Variants in TNFRSF1A observed in about 807,000 individuals in gnomAD.
TNFRSF1A encodes the protein tumor necrosis factor receptor superfamily member 1A.
Under a neutral mutation model 41.6 loss-of-function variants are expected in TNFRSF1A, and 9 were observed. The observed-to-expected ratio is 0.22, with a 90% CI of 0.13 to 0.38. The LOEUF (loss-of-function observed/expected upper bound fraction) is 0.38. Ranked by LOEUF, TNFRSF1A falls within the 10% of genes least tolerant of loss-of-function variation. The pLI is 1.00. For synonymous variants in TNFRSF1A, 254 were observed against 248.6 expected (o/e 1.02, Z -0.21); for missense variants, 463 against 591.5 (o/e 0.78, Z 2.25).
At chr12:6,330,536 C>T (rs867125238) in intron 7 of TNFRSF1A, 62 bp downstream of exon 7, 7 of 1,287,886 alleles carry the variant, frequency 5.4e-6, no homozygotes, top group Middle Eastern at 3.7e-4. Context: ...ATGTCCATCG[C>T]ACCCACCCAT....
At position 6,333,921 on chromosome 12, in the gene TNFRSF1A, A is replaced by C. The variant is rs1190040752; in HGVS notation, c.194-56T>G. ...GGTGAGAACACAAGGAAGGAGCCCC[A>C]TGCTAGGGACAACAGCCAGGGCCGA... On this transcript the variant is annotated intron_variant, in intron 2 of 9. Transcript: ENST00000162749. The surrounding 1 kb of genome is among the most constrained non-coding windows in gnomAD (Gnocchi z 6.3). 2 of 1,602,760 alleles carry C rather than the reference A, an allele frequency of 1.2e-6. No homozygotes were observed. Among genetic ancestry groups the C allele is most frequent in the East Asian group, 4.5e-5 (2 of 44,492 alleles).
chr12:6,334,023 C>T lies in TNFRSF1A; in HGVS notation c.193+68G>A, dbSNP rs1733726656. Reference sequence around the variant, plus strand: ...AGACAGCAAAGTTAGGGAAGAACAACTGGAAGAAGCAGAGAAAGAAGCAGC... The same window carrying T: ...AGACAGCAAAGTTAGGGAAGAACAATTGGAAGAAGCAGAGAAAGAAGCAGC... On this transcript the variant is annotated intron_variant, in intron 2 of 9. Transcript: ENST00000162749. This position sits in a 1 kb window ranked among gnomAD's most constrained non-coding sequence, Gnocchi z 5.1. 1 of 1,612,384 alleles carries T rather than the reference C, an allele frequency of 6.2e-7. No individual in the cohort carries two copies. Among genetic ancestry groups the T allele is most frequent in the Non-Finnish European group, 8.5e-7 (1 of 1,178,470 alleles).
At chr12:6,331,082 A>C in intron 5 of TNFRSF1A, 156 bp from the exon 6 acceptor site, 1 of 690,232 alleles carries the variant, frequency 1.4e-6, no homozygotes, top group Non-Finnish European at 2.6e-6. Context: ...AATGAAACAC[A>C]GTTAATCATA....
In TNFRSF1A at chr12:6,336,601, T is replaced by C. The variant is rs555348861; in HGVS notation, c.40-2357A>G. Among the ~76,000 whole-genome samples, 102 of 149,724 alleles carry C rather than the reference T, an allele frequency of 6.8e-4. 1 individual carries two copies. The highest frequency in any genetic ancestry group is 2.1e-4 in the Non-Finnish European group (14 of 67,512). ...TGGCCCACATGTTCCGGGAAATGCC[T>C]CCCTCTCCCCATTCCATCCCGAAGG... On this transcript the variant is annotated intron_variant, in intron 1 of 9. Coordinates refer to ENST00000162749, the MANE Select transcript of TNFRSF1A (RefSeq NM_001065.4).
intron 1 of TNFRSF1A, among the ~76,000 whole-genome samples, chr12:6,338,953 TCA>T (rs1948153162): frequency 6.6e-6 from 1 of 152,150 alleles, no homozygotes; most frequent in South Asian, 2.1e-4. Flanking sequence ...TCACTTCTAA[TCA>T]CAGTCTGGGC....
At position 6,334,057 on chromosome 12, in the gene TNFRSF1A, C is replaced by A. The variant is rs752820659; in HGVS notation, c.193+34G>T. 6.2e-7 allele frequency: 1 copy of A among 1,614,084 alleles called. No homozygotes were observed. The highest frequency in any genetic ancestry group is 1.1e-5 in the South Asian group (1 of 91,088). ...GCAGAGAAAGAAGCAGCACCCCAGA[C>A]CTGAGGGCATTCACCGTTTCCACTT... On this transcript the variant is annotated intron_variant, in intron 2 of 9. Transcript: ENST00000162749. The surrounding 1 kb of genome is among the most constrained non-coding windows in gnomAD (Gnocchi z 5.1).
At position 6,330,368 on chromosome 12, in the gene TNFRSF1A, A is replaced by T. The variant is rs1027824860; in HGVS notation, c.740-73T>A. 7 of 1,448,584 alleles carry T rather than the reference A, an allele frequency of 4.8e-6. No homozygotes were observed. In the Admixed American group the frequency reaches 1.2e-4, roughly 24 times the overall value. The allele number at this position is 1,448,584 out of a possible 1,614,324, so 89.7% of individuals were successfully genotyped here. ...CCCTGGCACCCTGGACTCAGCTGGCAGTGGGGACTTGTGGTGACATGCCTC... is the reference window on the plus strand; with the variant it reads ...CCCTGGCACCCTGGACTCAGCTGGCTGTGGGGACTTGTGGTGACATGCCTC... On this transcript the variant is annotated intron_variant, in intron 7 of 9. Coordinates refer to ENST00000162749, the MANE Select transcript of TNFRSF1A (RefSeq NM_001065.4).
chr12:6,331,490 T>C (rs1409946578), intron 5 of TNFRSF1A: 1 of 215,846 alleles, frequency 4.6e-6, no homozygotes, highest in Non-Finnish European at 9.5e-6. Context: ...TAAAAACACA[T>C]GTTACTGGGG....
chr12:6,329,579 G>C lies in TNFRSF1A; in HGVS notation c.1101C>G (p.Pro367=). 3 of 1,592,604 alleles carry C rather than the reference G, an allele frequency of 1.9e-6. No individual in the cohort carries two copies. The highest frequency in any genetic ancestry group is 2.6e-6 in the Non-Finnish European group (3 of 1,175,418). Reference sequence around the variant, plus strand: ...GCACGAATTCCTTCCAGCGCAACGGGGGCACGTTCTCCACCACGGCGTACA... The same window carrying C: ...GCACGAATTCCTTCCAGCGCAACGGCGGCACGTTCTCCACCACGGCGTACA... ...ATLYAVVENV[P]PLRWKEFVRR... is the part of the protein sequence containing the mutation. Residue 367 remains proline (P), a synonymous_variant, in exon 10 of 10, where the codon CCC becomes CCG. Coordinates refer to ENST00000162749, the MANE Select transcript of TNFRSF1A (RefSeq NM_001065.4).
In TNFRSF1A at chr12:6,338,433, G is replaced by A. The variant is rs4149627; in HGVS notation, c.39+3343C>T. Among the ~76,000 whole-genome samples the A allele has an allele frequency of 6.5e-3, 987 of 151,962 alleles. 4 individuals carry two copies. Among genetic ancestry groups the A allele is most frequent in the African/African-American group, 0.021 (886 of 41,422 alleles). On this transcript the variant is annotated intron_variant, in intron 1 of 9. Transcript: ENST00000162749. ...TCTAGCCTCTCTCCTGCTCCCATCC[G>A]TCCTACACACTTTTTAAATCTTCAT...
chr12:6,331,781 G>A (rs1467648957), intron 5 of TNFRSF1A: 1 of 166,978 alleles, frequency 6.0e-6, no homozygotes, highest in African/African-American at 2.4e-5. Flanking sequence ...GCAGAGGCAG[G>A]TGGATCACCA....
At position 6,329,339 on chromosome 12, in the gene TNFRSF1A, G is replaced by C; in HGVS notation, c.1341C>G (p.Leu447=). The C allele has an allele frequency of 6.8e-7, 1 of 1,476,198 alleles. No homozygotes were observed. Among genetic ancestry groups the C allele is most frequent in the Non-Finnish European group, 8.9e-7 (1 of 1,123,122 alleles). The allele number at this position is 1,476,198 out of a possible 1,614,324, so 91.4% of individuals were successfully genotyped here. A position where few individuals can be genotyped will look rare whatever the true frequency, so the allele number is the denominator to read the frequency against. ...ATCTGAGAAGACTGGGCGCGGGCGG[G>C]AGGGCGGCGGGGCCGCAAAGCGCCT... is the stretch of plus-strand genomic sequence containing the variant. ...IEEALCGPAA[L]PPAPSLLR The change falls in exon 10 of 10, where the codon CTC becomes CTG. Residue 447 remains leucine (L), a synonymous_variant. Transcript: ENST00000162749.
chr12:6,341,516 T>C lies in TNFRSF1A; in HGVS notation c.39+260A>G, dbSNP rs1948194685. 6.6e-6 allele frequency among the ~76,000 whole-genome samples: 1 copy of C among 152,246 alleles called. No individual in the cohort carries two copies. Among genetic ancestry groups the C allele is most frequent in the African/African-American group, 2.4e-5 (1 of 41,476 alleles). On this transcript the variant is annotated intron_variant, in intron 1 of 9. Transcript: ENST00000162749. The surrounding 1 kb of genome is among the most constrained non-coding windows in gnomAD (Gnocchi z 4.6). The stretch of plus-strand genomic sequence containing the variant: ...TTGGCCGCCCACAAACTTCCACCGC[T>C]GTCAGGGGCCAGGGCTTCCTTTTAC...
rs750601005 is a variant in TNFRSF1A, at chr12:6,329,576, C to A, written c.1104G>T (p.Pro368=). 1.3e-6 allele frequency: 2 copies of A among 1,592,308 alleles called. No homozygotes were observed. The highest frequency in any genetic ancestry group is 2.2e-5 in the East Asian group (1 of 44,554). ...TLYAVVENVP[P]LRWKEFVRRL... Reference sequence around the variant, plus strand: ...GCCGCACGAATTCCTTCCAGCGCAACGGGGGCACGTTCTCCACCACGGCGT... The same window carrying A: ...GCCGCACGAATTCCTTCCAGCGCAAAGGGGGCACGTTCTCCACCACGGCGT... Residue 368 remains proline, a synonymous_variant, in exon 10 of 10, where the codon CCG becomes CCT. Coordinates refer to ENST00000162749, the MANE Select transcript of TNFRSF1A (RefSeq NM_001065.4).
At chr12:6,340,247 A>T (rs201388005) in intron 1 of TNFRSF1A, among the ~76,000 whole-genome samples, 1 of 152,188 alleles carries the variant, frequency 6.6e-6, no homozygotes, top group East Asian at 1.9e-4. Context: ...CACACTTAAT[A>T]AATCAAATGA....
chr12:6,336,258 A>G (rs1024163228), intron 1 of TNFRSF1A, among the ~76,000 whole-genome samples: 5 of 152,042 alleles, frequency 3.3e-5, no homozygotes, highest in Admixed American at 6.5e-5. Context: ...AGGCTTTCTC[A>G]GGCCACGTGT....
Position 6,333,709 on chromosome 12 carries a change from C to T in TNFRSF1A, c.322+28G>A. 1.3e-6 allele frequency: 2 copies of T among 1,563,178 alleles called. No individual in the cohort carries two copies. The highest frequency in any genetic ancestry group is 2.4e-5 in the East Asian group (1 of 42,076). On this transcript the variant is annotated intron_variant, in intron 3 of 9. Transcript: ENST00000162749. The surrounding 1 kb of genome is among the most constrained non-coding windows in gnomAD (Gnocchi z 6.3). ...GCACCCACACACCACTCAAGACCCG[C>T]CTGACTCTCCTGCCTGTGCACACTC...
intron 1 of TNFRSF1A, among the ~76,000 whole-genome samples, chr12:6,339,277 A>C (rs1479444399): frequency 6.6e-6 from 1 of 151,920 alleles, no homozygotes; most frequent in Admixed American, 6.6e-5. Context: ...CTCCACATCC[A>C]CTTTTCTATG....
Position 6,334,592 on chromosome 12 carries a change from C to T in TNFRSF1A, c.40-348G>A, listed in dbSNP as rs541374174. On this transcript the variant is annotated intron_variant, in intron 1 of 9. Coordinates refer to ENST00000162749, the MANE Select transcript of TNFRSF1A (RefSeq NM_001065.4). This position sits in a 1 kb window ranked among gnomAD's most constrained non-coding sequence, Gnocchi z 5.1. The stretch of plus-strand genomic sequence containing the variant: ...CAATCACTGCACCCTCCACCACCCA[C>T]GCTCAAGCAGTCCTCCCACCTTAGC... Among the ~76,000 whole-genome samples the T allele has an allele frequency of 1.1e-3, 173 of 152,152 alleles. 2 individuals carry two copies. The highest frequency in any genetic ancestry group is 4.3e-3 in the South Asian group (21 of 4,830).
Sources: allele counts gnomAD v4.1 joint callset (sites outside exome capture counted in the v4.1 genomes callset), GRCh38; gene constraint gnomAD v4.1.1; non-coding constraint Gnocchi (gnomAD v3.1); transcripts MANE v1.5; gene names NCBI Gene and HGNC (gene_info 2026-07-23, HGNC 2026-07-21).